Variants in SYCP1 observed in about 807,000 individuals in gnomAD.
SYCP1 encodes synaptonemal complex protein 1.
SYCP1 carries 64 observed loss-of-function variants against 153.1 expected under a neutral mutation model. The observed-to-expected ratio is 0.42, with a 90% CI of 0.34 to 0.51. The LOEUF is 0.51. Ranked by LOEUF, SYCP1 falls within the 20% of genes least tolerant of loss-of-function variation. The pLI, the probability that SYCP1 is intolerant of heterozygous loss-of-function variation, is 0.06. For synonymous variants in SYCP1, 384 were observed against 341.8 expected, an observed-to-expected ratio of 1.12 and a Z score of -1.36; for missense variants, 997 against 1,049.0, an observed-to-expected ratio of 0.95 and a Z score of 0.68.
At chr1:114,889,508 G>A (rs561397752) in intron 15 of SYCP1, among the ~76,000 whole-genome samples, 2 of 152,276 alleles carry the variant, frequency 1.3e-5, no homozygotes, top group East Asian at 3.9e-4. Flanking sequence ...CTTCTTTTAA[G>A]AAGTGTCTGT....
intron 29 of SYCP1, 21 bp downstream of exon 29, chr1:114,981,533 T>C (rs1465712297): frequency 6.4e-7 from 1 of 1,565,534 alleles, no homozygotes; most frequent in Admixed American, 2.2e-5. Flanking sequence ...AAATTTTCCA[T>C]GTTAGTAGTA....
intron 8 of SYCP1, among the ~76,000 whole-genome samples, chr1:114,871,985 C>T (rs1374619143): frequency 6.7e-6 from 1 of 149,814 alleles, no homozygotes; most frequent in Non-Finnish European, 1.5e-5. Flanking sequence ...TGCGTTGATG[C>T]TCTTTTTTTT....
chr1:114,950,453 A>G (rs1671020804), intron 27 of SYCP1, among the ~76,000 whole-genome samples: 1 of 152,164 alleles, frequency 6.6e-6, no homozygotes, highest in Non-Finnish European at 1.5e-5. Flanking sequence ...TATATTTTAT[A>G]AAATATTAAT....
intron 16 of SYCP1, among the ~76,000 whole-genome samples, chr1:114,896,653 T>C (rs1034002873): frequency 2.0e-5 from 3 of 152,244 alleles, no homozygotes; most frequent in African/African-American, 7.2e-5. Flanking sequence ...AGCCTTTGTG[T>C]TGTTTACCTT....
intron 23 of SYCP1, among the ~76,000 whole-genome samples, chr1:114,941,447 T>G (rs1036582545): frequency 1.3e-5 from 2 of 152,136 alleles, no homozygotes; most frequent in Admixed American, 6.6e-5. Context: ...TTTACTCTTA[T>G]CCTCTATCTT....
intron 27 of SYCP1, among the ~76,000 whole-genome samples, chr1:114,953,123 C>T (rs181222281): frequency 6.6e-6 from 1 of 152,316 alleles, no homozygotes; most frequent in Non-Finnish European, 1.5e-5. Context: ...GGGCAGAGCC[C>T]TCATGGCCCT....
Position 114,995,139 on chromosome 1 carries a change from A to C in SYCP1, c.*120A>C, listed in dbSNP as rs1674199092. ...TTGAGACTTAAAAAATACTTGCATG[A>C]ATGATTTGTGTTTCTTTATATTTTT... is the stretch of plus-strand genomic sequence containing the variant. On this transcript the variant is annotated 3_prime_UTR_variant, in exon 32 of 32. Transcript: ENST00000369522. 1.0e-6 allele frequency: 1 copy of C among 984,714 alleles called. No homozygotes were observed. The highest frequency in any genetic ancestry group is 1.4e-6 in the Non-Finnish European group (1 of 704,098). 61.0% of individuals were successfully genotyped at this position (984,714 alleles called of 1,614,324 possible). A position where few individuals can be genotyped will look rare whatever the true frequency, so the allele number is the denominator to read the frequency against.
chr1:114,922,143 C>A (rs360585), intron 20 of SYCP1, among the ~76,000 whole-genome samples: 1 of 151,886 alleles, frequency 6.6e-6, no homozygotes, highest in Non-Finnish European at 1.5e-5. Context: ...ATTCTAATAA[C>A]CTTCTTGTCC....
intron 15 of SYCP1, among the ~76,000 whole-genome samples, chr1:114,893,097 G>A (rs1666833133): frequency 6.6e-6 from 1 of 152,200 alleles, no homozygotes; most frequent in Non-Finnish European, 1.5e-5. Context: ...GGATCTATTT[G>A]AAGTGTAATT....
At chr1:114,950,322 C>A (rs1445518327) in intron 27 of SYCP1, among the ~76,000 whole-genome samples, 4 of 152,144 alleles carry the variant, frequency 2.6e-5, no homozygotes, top group Non-Finnish European at 5.9e-5. Context: ...GAGAAATAAA[C>A]TTCTCTTGTA....
At chr1:114,985,495 GT>G (rs985652845) in intron 30 of SYCP1, among the ~76,000 whole-genome samples, 11 of 151,738 alleles carry the variant, frequency 7.2e-5, no homozygotes, top group Non-Finnish European at 1.5e-4. Flanking sequence ...TTTTAAAAAG[GT>G]GAACCATACC....
chr1:114,864,064 A>C (rs1184281984), intron 8 of SYCP1, among the ~76,000 whole-genome samples: 2 of 151,882 alleles, frequency 1.3e-5, no homozygotes, highest in Admixed American at 1.3e-4. Context: ...AGGTGCAGCA[A>C]ACCACCATGG....
At chr1:114,874,425 G>A (rs1365024710) in intron 8 of SYCP1, 81 bp from the exon 9 acceptor site, 2 of 803,812 alleles carry the variant, frequency 2.5e-6, no homozygotes, top group African/African-American at 1.8e-5. Context: ...ATATTTTAAT[G>A]TTTTCTGGAG....
intron 3 of SYCP1, 60 bp from the exon 4 acceptor site, chr1:114,857,160 GAAAAAAGAAAAA>G: frequency 1.2e-5 from 7 of 592,988 alleles, no homozygotes; most frequent in Non-Finnish European, 1.7e-5. Flanking sequence ...AAAAAAAAGA[GAAAAAAGAAAAA>G]AAAAAAGAAA....
At chr1:114,883,143 G>T (rs1171194170) in intron 12 of SYCP1, among the ~76,000 whole-genome samples, 1 of 152,010 alleles carries the variant, frequency 6.6e-6, no homozygotes, top group Non-Finnish European at 1.5e-5. Context: ...GGAGCTTAAT[G>T]CTTTAATATT....
At chr1:114,866,556 C>A (rs1664760692) in intron 8 of SYCP1, among the ~76,000 whole-genome samples, 1 of 151,792 alleles carries the variant, frequency 6.6e-6, no homozygotes, top group Non-Finnish European at 1.5e-5. Flanking sequence ...GAGTTTTAAT[C>A]AACAATAAGA....
At chr1:114,861,159 G>A (rs919683697) in intron 8 of SYCP1, among the ~76,000 whole-genome samples, 1 of 151,984 alleles carries the variant, frequency 6.6e-6, no homozygotes, top group Non-Finnish European at 1.5e-5. Context: ...TACCAGTAGA[G>A]GCTTTGCTAA....
At chr1:114,923,212 T>G (rs1474552932) in intron 20 of SYCP1, among the ~76,000 whole-genome samples, 5 of 152,224 alleles carry the variant, frequency 3.3e-5, no homozygotes, top group Admixed American at 1.3e-4. Flanking sequence ...CCATGTTCAT[T>G]ATTTTCTAAA....
intron 23 of SYCP1, among the ~76,000 whole-genome samples, chr1:114,928,547 A>G (rs1306125122): frequency 6.6e-6 from 1 of 152,244 alleles, no homozygotes; most frequent in Non-Finnish European, 1.5e-5. Flanking sequence ...AAACTGATCA[A>G]TGAAAAGCAC....
Sources: allele counts gnomAD v4.1 joint callset (sites outside exome capture counted in the v4.1 genomes callset), GRCh38; gene constraint gnomAD v4.1.1; transcripts MANE v1.5; gene names NCBI Gene and HGNC (gene_info 2026-07-23, HGNC 2026-07-21).